Variants in FHIT observed in about 807,000 individuals in gnomAD.
FHIT encodes the protein bis(5'-adenosyl)-triphosphatase.
Under a neutral mutation model 17.9 loss-of-function variants are expected in FHIT, and 19 were observed. That is an observed-to-expected ratio of 1.06 (90% CI 0.74 to 1.56). FHIT has a LOEUF of 1.56. FHIT is among the 40% of genes most tolerant of loss of function. FHIT has a pLI of 0.00. For missense variants in FHIT, 248 were observed against 189.2 expected, an observed-to-expected ratio of 1.31 and a Z score of -1.82; for synonymous variants, 81 against 69.7, an observed-to-expected ratio of 1.16 and a Z score of -0.81.
intron 4 of FHIT, among the ~76,000 whole-genome samples, chr3:60,542,936 A>G (rs776819714): frequency 2.6e-4 from 40 of 152,212 alleles, no homozygotes; most frequent in Non-Finnish European, 3.8e-4. Flanking sequence ...ATAGTATGAA[A>G]TACAGAAACG....
intron 5 of FHIT, among the ~76,000 whole-genome samples, chr3:60,082,318 T>C (rs1703323435): frequency 1.3e-5 from 2 of 151,976 alleles, no homozygotes; most frequent in African/African-American, 2.4e-5. Context: ...TCTTTTTTTA[T>C]GGCCATGTAG....
chr3:60,472,369 ATTTTTT>A, intron 5 of FHIT, among the ~76,000 whole-genome samples: 1 of 134,550 alleles, frequency 7.4e-6, no homozygotes, highest in African/African-American at 2.8e-5. Context: ...ACAATGCTGT[ATTTTTT>A]TTTTTTTTTT....
At position 60,743,564 on chromosome 3, in the gene FHIT, A is replaced by C. The variant is rs141481532; in HGVS notation, c.-18+78355T>G. 3.3e-5 allele frequency among the ~76,000 whole-genome samples: 5 copies of C among 152,336 alleles called. No individual in the cohort carries two copies. In the East Asian group the frequency reaches 9.7e-4, roughly 29 times the overall value. ...AAACATTTTAAACTTGGATGACTTC[A>C]CACCACAGTCCAGATTTCTGGCTTC... On this transcript the variant is annotated intron_variant, in intron 4 of 9. Transcript: ENST00000492590.
In FHIT at chr3:60,563,637, C is replaced by A. The variant is rs575274391; in HGVS notation, c.-17-26658G>T. 7.2e-5 allele frequency among the ~76,000 whole-genome samples: 11 copies of A among 152,282 alleles called. No homozygotes were observed. The East Asian group carries it at 1.9e-3, about 27-fold the overall frequency. ...CAGTAAGAAAGTAAAACACTTATTG[C>A]TGATAGGGAGAGTTTGAGTGGTCTG... On this transcript the variant is annotated intron_variant, in intron 4 of 9. Coordinates refer to ENST00000492590, the MANE Select transcript of FHIT (RefSeq NM_002012.4).
At chr3:60,879,565 C>T (rs563425421) in intron 3 of FHIT, among the ~76,000 whole-genome samples, 2 of 152,044 alleles carry the variant, frequency 1.3e-5, no homozygotes, top group African/African-American at 2.4e-5. Flanking sequence ...TAGTAACAAA[C>T]CCTAATGACA....
At chr3:60,949,700 T>A (rs9859201) in intron 3 of FHIT, among the ~76,000 whole-genome samples, 4,006 of 152,266 alleles carry the variant, frequency 0.026, 174 homozygotes, top group African/African-American at 0.091. Context: ...CTCTTCCCGG[T>A]CTCTGGTTAA....
At chr3:60,782,907 C>A (rs1700441224) in intron 4 of FHIT, among the ~76,000 whole-genome samples, 1 of 152,160 alleles carries the variant, frequency 6.6e-6, no homozygotes, top group African/African-American at 2.4e-5. Context: ...GGGCACCAAT[C>A]CCATTCATGA....
In FHIT at chr3:60,404,863, C is replaced by G. The variant is rs543199113; in HGVS notation, c.103+131997G>C. Among the ~76,000 whole-genome samples, 3 of 152,254 alleles carry G rather than the reference C, an allele frequency of 2.0e-5. No individual in the cohort carries two copies. The East Asian group carries it at 5.8e-4, about 29-fold the overall frequency. ...GAAAGACCTCACTTTTCCAAGTTCC[C>G]ATTCAGCAAGGGCAAGGAAGGAGTA... On this transcript the variant is annotated intron_variant, in intron 5 of 9. Transcript: ENST00000492590.
intron 4 of FHIT, among the ~76,000 whole-genome samples, chr3:60,600,922 A>G (rs1553668574): frequency 6.6e-6 from 1 of 152,156 alleles, no homozygotes; most frequent in Non-Finnish European, 1.5e-5. Context: ...TGCACCAAGC[A>G]TGCTTTTTTG....
At chr3:60,597,856 T>C (rs2038320381) in intron 4 of FHIT, among the ~76,000 whole-genome samples, 1 of 152,106 alleles carries the variant, frequency 6.6e-6, no homozygotes, top group Non-Finnish European at 1.5e-5. Flanking sequence ...AGCTGAGAGA[T>C]ATTGAGCCAG....
intron 1 of FHIT, among the ~76,000 whole-genome samples, chr3:61,224,338 T>G (rs1181846384): frequency 6.6e-6 from 1 of 152,224 alleles, no homozygotes; most frequent in African/African-American, 2.4e-5. Flanking sequence ...AATGACTACC[T>G]ACATGGTAAT....
At chr3:60,357,618 T>A (rs1291753360) in intron 5 of FHIT, among the ~76,000 whole-genome samples, 1 of 152,114 alleles carries the variant, frequency 6.6e-6, no homozygotes, top group African/African-American at 2.4e-5. Context: ...TACTTAAGGA[T>A]CAATTGACAT....
chr3:59,891,774 G>T (rs186462585), intron 8 of FHIT, among the ~76,000 whole-genome samples: 49 of 152,216 alleles, frequency 3.2e-4, no homozygotes, highest in African/African-American at 1.2e-3. Flanking sequence ...TGGATGTCTT[G>T]TAAGTAAAAT....
intron 5 of FHIT, among the ~76,000 whole-genome samples, chr3:60,217,223 C>T (rs1703736358): frequency 6.6e-6 from 1 of 152,160 alleles, no homozygotes; most frequent in South Asian, 2.1e-4. Context: ...AAGCCCATAG[C>T]TCAAACATAG....
At chr3:60,845,646 T>C (rs530524775) in intron 3 of FHIT, among the ~76,000 whole-genome samples, 1 of 152,316 alleles carries the variant, frequency 6.6e-6, no homozygotes, top group African/African-American at 2.4e-5. Context: ...ACAAATATCC[T>C]CCAATTCTGA....
intron 5 of FHIT, among the ~76,000 whole-genome samples, chr3:60,055,309 CT>C (rs138361932): frequency 0.019 from 2,875 of 152,208 alleles, 33 homozygotes; most frequent in Non-Finnish European, 0.028. Flanking sequence ...TTTCCCCATA[CT>C]ACCACACACA....
At chr3:61,073,915 A>G (rs1205114552) in intron 2 of FHIT, among the ~76,000 whole-genome samples, 1 of 152,208 alleles carries the variant, frequency 6.6e-6, no homozygotes, top group Non-Finnish European at 1.5e-5. Context: ...GGGTCAAAGT[A>G]GTTAAAATGA....
chr3:60,675,997 ACAATC>A (rs2040613616), intron 4 of FHIT, among the ~76,000 whole-genome samples: 1 of 152,188 alleles, frequency 6.6e-6, no homozygotes, highest in South Asian at 2.1e-4. Flanking sequence ...ATACAGATAA[ACAATC>A]CAAACAAGCT....
At chr3:60,058,408 C>T (rs564115245) in intron 5 of FHIT, among the ~76,000 whole-genome samples, 13 of 152,172 alleles carry the variant, frequency 8.5e-5, no homozygotes, top group African/African-American at 2.4e-4. Flanking sequence ...GGATTACAGG[C>T]GTGAGCCACC....
Sources: allele counts gnomAD v4.1 joint callset (sites outside exome capture counted in the v4.1 genomes callset), GRCh38; gene constraint gnomAD v4.1.1; transcripts MANE v1.5; gene names NCBI Gene and HGNC (gene_info 2026-07-23, HGNC 2026-07-21).